The following ATP10B variants were observed in gnomAD, a reference collection of about 807,000 sequenced individuals.
ATP10B encodes phospholipid-transporting ATPase VB.
ATP10B carries 122 observed loss-of-function variants against 141.2 expected under a neutral mutation model. The ratio of observed to expected loss-of-function variants is 0.86; its 90% CI spans 0.75 to 1.00. The LOEUF is 1.00. Ranked by LOEUF, ATP10B falls within the 50% of genes least tolerant of loss-of-function variation. The pLI is 0.00. For synonymous variants in ATP10B, 685 were observed against 692.0 expected (o/e 0.99, Z 0.16); for missense variants, 1,876 against 1,825.3 (o/e 1.03, Z -0.51).
intron 3 of ATP10B, among the ~76,000 whole-genome samples, chr5:160,716,256 T>C (rs1765653237): frequency 6.6e-6 from 1 of 152,222 alleles, no homozygotes; most frequent in Admixed American, 6.5e-5. Flanking sequence ...CTATATCTCA[T>C]GAATACATAG....
intron 1 of ATP10B, among the ~76,000 whole-genome samples, chr5:160,817,391 C>A (rs1465081487): frequency 6.6e-6 from 1 of 152,122 alleles, no homozygotes; most frequent in African/African-American, 2.4e-5. Flanking sequence ...TGAGTGAACT[C>A]CCATTCACAA....
rs1765604506 is a variant in ATP10B at position 160,715,776 on chromosome 5, G to A, written c.-205+1133C>T. The stretch of plus-strand genomic sequence containing the variant: ...GCCCAGGCTGGAGTGCAGTGGTGTG[G>A]TTTCGGCTCACTGCAACCTTTGCCT... On this transcript the variant is annotated intron_variant, in intron 3 of 25. Transcript: ENST00000327245. Among the ~76,000 whole-genome samples the A allele has an allele frequency of 2.0e-5, 3 of 151,770 alleles. No homozygotes were observed. The South Asian group carries it at 6.2e-4, about 32-fold the overall frequency.
intron 1 of ATP10B, among the ~76,000 whole-genome samples, chr5:160,829,348 G>C (rs957373036): frequency 6.6e-6 from 1 of 152,052 alleles, no homozygotes; most frequent in South Asian, 2.1e-4. Context: ...ATGCTGTTTT[G>C]GTTACTGCAC....
chr5:160,683,155 CCT>C (rs892060522), intron 6 of ATP10B, among the ~76,000 whole-genome samples: 1 of 152,002 alleles, frequency 6.6e-6, no homozygotes, highest in African/African-American at 2.4e-5. Flanking sequence ...GTGATTTCAT[CCT>C]CTCTTTATAA....
chr5:160,737,793 A>C (rs1767224495), intron 2 of ATP10B, among the ~76,000 whole-genome samples: 1 of 152,218 alleles, frequency 6.6e-6, no homozygotes. Flanking sequence ...ATATGTATCC[A>C]ATAAGAGACC....
chr5:160,602,528 G>C, intron 21 of ATP10B, 49 bp downstream of exon 21: 1 of 1,610,972 alleles, frequency 6.2e-7, no homozygotes, highest in Non-Finnish European at 8.5e-7. Flanking sequence ...CTGGCCCCGT[G>C]GCAAGGCCTG....
intron 1 of ATP10B, among the ~76,000 whole-genome samples, chr5:160,831,977 TC>T (rs1359164265): frequency 1.3e-5 from 2 of 152,108 alleles, no homozygotes; most frequent in Admixed American, 6.6e-5. Context: ...GAACACAGAA[TC>T]CTTTTATAGA....
chr5:160,635,747 C>T (rs775578974), intron 11 of ATP10B, among the ~76,000 whole-genome samples: 1 of 152,146 alleles, frequency 6.6e-6, no homozygotes, highest in Non-Finnish European at 1.5e-5. Flanking sequence ...CAGTTCTGTT[C>T]TTTTCCTTCT....
chr5:160,755,832 AAAAAAAATATATATATATATAT>A (rs1355640593), intron 2 of ATP10B, among the ~76,000 whole-genome samples: 4 of 68,762 alleles, frequency 5.8e-5, no homozygotes, highest in African/African-American at 3.3e-4. Flanking sequence ...AAAAAAAAAA[AAAAAAAATATATATATATATAT>A]ATATATATAT....
At chr5:160,861,532 T>G in the ATP10B span, among the ~76,000 whole-genome samples, 4 of 152,044 alleles carry the variant, frequency 2.6e-5, no homozygotes, top group South Asian at 8.3e-4. Context: ...AAGCTTGTAA[T>G]TTTTTGTTCA....
chr5:160,683,760 C>T (rs1763575617), intron 6 of ATP10B, among the ~76,000 whole-genome samples: 1 of 152,168 alleles, frequency 6.6e-6, no homozygotes, highest in South Asian at 2.1e-4. Context: ...AGGCTGCCAA[C>T]TGCTAGCTCT....
At chr5:160,906,803 G>A in the ATP10B span, among the ~76,000 whole-genome samples, 1 of 152,150 alleles carries the variant, frequency 6.6e-6, no homozygotes, top group Admixed American at 6.5e-5. Flanking sequence ...TAAGGTACAG[G>A]AATAAGAAGC....
intron 13 of ATP10B, among the ~76,000 whole-genome samples, chr5:160,624,862 G>A (rs1758531319): frequency 6.6e-6 from 1 of 152,160 alleles, no homozygotes; most frequent in Non-Finnish European, 1.5e-5. Context: ...CATTTCTGTG[G>A]TCACAGTATG....
intron 24 of ATP10B, among the ~76,000 whole-genome samples, chr5:160,574,323 G>A (rs1488026294): frequency 6.6e-6 from 1 of 152,092 alleles, no homozygotes; most frequent in Non-Finnish European, 1.5e-5. Flanking sequence ...AATCCCAGCT[G>A]CTTGGGAGGG....
chr5:160,649,976 G>GT (rs1760591732), intron 7 of ATP10B, among the ~76,000 whole-genome samples: 1 of 151,904 alleles, frequency 6.6e-6, no homozygotes, highest in Non-Finnish European at 1.5e-5. Context: ...AGGCATGGTG[G>GT]TGTGTGCCTC....
intron 1 of ATP10B, among the ~76,000 whole-genome samples, chr5:160,825,432 CTCT>C (rs548536998): frequency 6.1e-4 from 93 of 152,198 alleles, no homozygotes; most frequent in Non-Finnish European, 1.2e-3. Flanking sequence ...GGCTCCTATT[CTCT>C]TGTCTGCTGC....
the ATP10B span, among the ~76,000 whole-genome samples, chr5:160,892,339 G>T: frequency 1.3e-5 from 2 of 152,154 alleles, no homozygotes; most frequent in Non-Finnish European, 2.9e-5. Flanking sequence ...TGCCACTAAG[G>T]TCCTTGGCAT....
chr5:160,866,250 C>T, the ATP10B span, among the ~76,000 whole-genome samples: 1 of 152,168 alleles, frequency 6.6e-6, no homozygotes, highest in East Asian at 1.9e-4. Context: ...CAAAATTATG[C>T]CCTTTGCAGC....
At chr5:160,705,047 T>C (rs562360289) in intron 3 of ATP10B, among the ~76,000 whole-genome samples, 1 of 150,306 alleles carries the variant, frequency 6.7e-6, no homozygotes, top group Non-Finnish European at 1.5e-5. Context: ...GCCTCCCAAG[T>C]AGCTGAGACT....
Sources: gnomAD v4.1 joint callset for allele counts (sites outside exome capture counted in the v4.1 genomes callset) on GRCh38, gnomAD v4.1.1 for gene constraint, MANE v1.5 for transcripts, NCBI Gene and HGNC (gene_info 2026-07-23, HGNC 2026-07-21) for gene names.